The following ADAMTSL3 variants were observed in gnomAD, a reference collection of about 807,000 sequenced individuals.
ADAMTSL3 encodes the protein ADAMTS like 3, also known as ADAMTS-like protein 3.
In ADAMTSL3, 128 loss-of-function variants were observed where a neutral mutation model predicts 201.7. The observed-to-expected ratio is 0.63, with a 90% CI of 0.55 to 0.73. ADAMTSL3 has a LOEUF of 0.73. Ranked by LOEUF, ADAMTSL3 falls within the 30% of genes least tolerant of loss-of-function variation. The pLI is 0.00. For synonymous variants in ADAMTSL3, 738 were observed against 748.4 expected (o/e 0.99, Z 0.23); for missense variants, 1,990 against 2,119.6 (o/e 0.94, Z 1.20).
intron 2 of ADAMTSL3, among the ~76,000 whole-genome samples, chr15:83,673,275 C>T (rs1166938191): frequency 2.6e-5 from 4 of 152,206 alleles, no homozygotes; most frequent in Non-Finnish European, 5.9e-5. Flanking sequence ...GAAACCCAGC[C>T]TACACCATGG....
intron 5 of ADAMTSL3, among the ~76,000 whole-genome samples, chr15:83,817,961 T>G (rs1377866731): frequency 2.0e-5 from 3 of 152,112 alleles, no homozygotes; most frequent in Non-Finnish European, 4.4e-5. Context: ...GACAGGAGAA[T>G]CACTTGAACC....
intron 7 of ADAMTSL3, among the ~76,000 whole-genome samples, chr15:83,839,003 C>T (rs2064326737): frequency 6.6e-6 from 1 of 152,158 alleles, no homozygotes. Flanking sequence ...CAAATGTAGC[C>T]TGAAGGCTGA....
intron 2 of ADAMTSL3, among the ~76,000 whole-genome samples, chr15:83,660,537 G>A (rs2141357576): frequency 6.6e-6 from 1 of 152,300 alleles, no homozygotes; most frequent in Middle Eastern, 3.4e-3. Context: ...TGGGTGATCT[G>A]GGAGAGTTGG....
intron 19 of ADAMTSL3, among the ~76,000 whole-genome samples, chr15:83,943,311 A>G (rs141239214): frequency 4.6e-5 from 7 of 152,184 alleles, no homozygotes; most frequent in African/African-American, 1.4e-4. Context: ...TCAAAGTGTT[A>G]TCATCATCAT....
chr15:83,832,682 T>C (rs2064180862), intron 6 of ADAMTSL3, among the ~76,000 whole-genome samples: 1 of 152,134 alleles, frequency 6.6e-6, no homozygotes, highest in African/African-American at 2.4e-5. Flanking sequence ...TTCTTTCTGC[T>C]TGCCCCAGGA....
chr15:83,934,218 A>C (rs568693038), intron 17 of ADAMTSL3, among the ~76,000 whole-genome samples: 9 of 152,330 alleles, frequency 5.9e-5, no homozygotes, highest in African/African-American at 1.9e-4. Context: ...GGAGCTTTCC[A>C]AGACCATGGG....
chr15:83,923,166 T>A (rs2066179538), intron 16 of ADAMTSL3, among the ~76,000 whole-genome samples: 1 of 152,188 alleles, frequency 6.6e-6, no homozygotes. Flanking sequence ...AAAAGAAAGA[T>A]CACTGAATTA....
Position 83,655,745 on chromosome 15 carries a change from G to A in ADAMTSL3, c.-17G>A, listed in dbSNP as rs758780821. 21 of 1,613,670 alleles carry A rather than the reference G, an allele frequency of 1.3e-5. No individual in the cohort carries two copies. The Admixed American group carries it at 2.8e-4, about 22-fold the overall frequency. ...CGTTTGTAGGCTACAACTGAGACCC[G>A]GAGGAGACTAGACCCCATGGCTTCC... On this transcript the variant is annotated 5_prime_UTR_variant, in exon 2 of 30. Coordinates refer to ENST00000286744, the MANE Select transcript of ADAMTSL3 (RefSeq NM_207517.3).
In ADAMTSL3 at chr15:83,873,412, GT is replaced by G. The variant is rs879318205; in HGVS notation, c.960+2461del. ...ATTTGAATTCATTTTTATACCATTG[GT>G]TTTTTTTGTTTGTTTGTTTTTGAGA... On this transcript the variant is annotated intron_variant, in intron 9 of 29. Coordinates refer to ENST00000286744, the MANE Select transcript of ADAMTSL3 (RefSeq NM_207517.3). Among the ~76,000 whole-genome samples the G allele has an allele frequency of 2.3e-4, 33 of 145,082 alleles. 3 individuals carry two copies. Among genetic ancestry groups the G allele is most frequent in the Non-Finnish European group, 4.1e-4 (27 of 66,556 alleles).
chr15:83,877,261 T>G (rs1285255545), intron 9 of ADAMTSL3, among the ~76,000 whole-genome samples: 1 of 152,222 alleles, frequency 6.6e-6, no homozygotes, highest in African/African-American at 2.4e-5. Context: ...TTTGGAAGCC[T>G]TAATATTTTT....
intron 23 of ADAMTSL3, among the ~76,000 whole-genome samples, chr15:84,005,590 G>GAGTTC (rs1243135601): frequency 2.0e-5 from 3 of 152,198 alleles, no homozygotes; most frequent in African/African-American, 7.2e-5. Context: ...ATCCAGCAGT[G>GAGTTC]AACTGTGTGG....
At chr15:83,786,933 C>T (rs772269488) in intron 4 of ADAMTSL3, among the ~76,000 whole-genome samples, 4 of 152,046 alleles carry the variant, frequency 2.6e-5, no homozygotes, top group Non-Finnish European at 4.4e-5. Flanking sequence ...TTCATCATTC[C>T]GAGATCTGAC....
At chr15:83,888,140 T>C (rs994574698) in intron 10 of ADAMTSL3, among the ~76,000 whole-genome samples, 3 of 152,204 alleles carry the variant, frequency 2.0e-5, no homozygotes, top group Admixed American at 6.5e-5. Context: ...AGCAGTGAGA[T>C]CGTCTCCAAA....
At position 84,015,756 on chromosome 15, in the gene ADAMTSL3, T is replaced by C. The variant is rs535403927; in HGVS notation, c.4157-627T>C. On this transcript the variant is annotated intron_variant, in intron 24 of 29. Transcript: ENST00000286744. ...AGGCTAACCCTGTCTGGTTCTTGAA[T>C]GATTTATCCATGCTCCCTGAGAAAC... 7.2e-5 allele frequency among the ~76,000 whole-genome samples: 11 copies of C among 152,342 alleles called. No individual in the cohort carries two copies. In the South Asian group the frequency reaches 1.9e-3, roughly 26 times the overall value.
At chr15:83,965,804 A>C (rs1234832216) in intron 19 of ADAMTSL3, among the ~76,000 whole-genome samples, 2 of 152,130 alleles carry the variant, frequency 1.3e-5, no homozygotes, top group Non-Finnish European at 2.9e-5. Context: ...CTCAGCAAAT[A>C]CAAAAGAGTG....
At chr15:83,913,517 CTTT>C in intron 16 of ADAMTSL3, 139 bp downstream of exon 16, 1 of 890,140 alleles carries the variant, frequency 1.1e-6, no homozygotes, top group Non-Finnish European at 1.7e-6. Context: ...GAAAATGATA[CTTT>C]TTCTTCTTTT....
chr15:83,919,659 G>A (rs1015664268), intron 16 of ADAMTSL3, among the ~76,000 whole-genome samples: 2 of 152,158 alleles, frequency 1.3e-5, no homozygotes, highest in African/African-American at 2.4e-5. Flanking sequence ...ATGGCCTTGC[G>A]GGTTGAGGCA....
In ADAMTSL3 at chr15:83,675,511, G is replaced by A. The variant is rs145480145; in HGVS notation, c.69+19681G>A. ...GCCTATCATTCTTTTTATATATATT[G>A]CTGAATTCTATTTACTAATATTTTG... On this transcript the variant is annotated intron_variant, in intron 2 of 29. Coordinates refer to ENST00000286744, the MANE Select transcript of ADAMTSL3 (RefSeq NM_207517.3). Among the ~76,000 whole-genome samples the A allele has an allele frequency of 3.8e-3, 574 of 150,892 alleles. 2 individuals are homozygous for A. Among genetic ancestry groups the A allele is most frequent in the African/African-American group, 0.013 (543 of 41,076 alleles).
At chr15:83,801,623 A>T (rs924954817) in intron 4 of ADAMTSL3, among the ~76,000 whole-genome samples, 1 of 105,464 alleles carries the variant, frequency 9.5e-6, no homozygotes, top group African/African-American at 3.4e-5. Context: ...GGTCAATGAA[A>T]TTTTATATAT....
Sources: allele counts gnomAD v4.1 joint callset (sites outside exome capture counted in the v4.1 genomes callset), GRCh38; gene constraint gnomAD v4.1.1; transcripts MANE v1.5; gene names NCBI Gene and HGNC (gene_info 2026-07-23, HGNC 2026-07-21).